OR4A47: variants seen among roughly 807,000 people sequenced by gnomAD.
OR4A47 encodes olfactory receptor 4A47.
A neutral mutation model predicts 16.2 loss-of-function variants in OR4A47; 19 were observed. The observed-to-expected ratio is 1.17, with a 90% CI of 0.82 to 1.72. OR4A47 has a LOEUF of 1.72. OR4A47 is among the 40% of genes most tolerant of loss of function. OR4A47 has a pLI of 0.00. For synonymous variants in OR4A47, 180 were observed against 136.0 expected (o/e 1.32, Z -2.25); for missense variants, 460 against 361.1 (o/e 1.27, Z -2.22).
rs771122375 is a variant in OR4A47, at chr11:48,489,503, C to T, written c.711C>T (p.Thr237=). ...SQKGRQKALS[T]CSSHMTVVVF... is the part of the protein sequence containing the mutation. Reference sequence around the variant, plus strand: ...AAGGGAGGCAAAAAGCCCTCTCAACCTGCAGTTCCCACATGACTGTGGTTG... The same window carrying T: ...AAGGGAGGCAAAAAGCCCTCTCAACTTGCAGTTCCCACATGACTGTGGTTG... The change falls in exon 1 of 1, where the codon ACC becomes ACT. Residue 237 remains threonine, a synonymous_variant. Coordinates refer to ENST00000446524, the MANE Select transcript of OR4A47 (RefSeq NM_001005512.2). 24 of 1,613,864 alleles carry T rather than the reference C, an allele frequency of 1.5e-5. No homozygotes were observed. The African/African-American group carries it at 2.8e-4, about 19-fold the overall frequency.
chr11:48,489,065 C>T lies in OR4A47; in HGVS notation c.273C>T (p.Ser91=), dbSNP rs372048687. 2.6e-5 allele frequency: 42 copies of T among 1,613,752 alleles called. No individual in the cohort carries two copies. The highest frequency in any genetic ancestry group is 3.5e-5 in the Non-Finnish European group (41 of 1,179,854). The change falls in exon 1 of 1, where the codon TCC becomes TCT. Residue 91 remains serine (S), a synonymous_variant. Coordinates refer to ENST00000446524, the MANE Select transcript of OR4A47 (RefSeq NM_001005512.2). Reference sequence around the variant, plus strand: ...TGTTCTTTGGGAATAATTCCATATCCTTCCAATCTTGCATGGCCCAGCTCT... The same window carrying T: ...TGTTCTTTGGGAATAATTCCATATCTTTCCAATCTTGCATGGCCCAGCTCT... ...SGLFFGNNSI[S]FQSCMAQLFI...
At position 48,489,269 on chromosome 11, in the gene OR4A47, C is replaced by T. The variant is rs1377493821; in HGVS notation, c.477C>T (p.Ser159=). ...GGFLHSVFQL[S]IIYGLPFCGP... ...TTCTGCACTCAGTATTTCAACTTAG[C>T]ATTATTTATGGGCTCCCATTCTGTG... is the stretch of plus-strand genomic sequence containing the variant. Residue 159 remains serine (S), a synonymous_variant, in exon 1 of 1, where the codon AGC becomes AGT. Coordinates refer to ENST00000446524, the MANE Select transcript of OR4A47 (RefSeq NM_001005512.2). The T allele has an allele frequency of 2.5e-6, 4 of 1,613,716 alleles. No homozygotes were observed. In the African/African-American group the frequency reaches 4.0e-5, roughly 16 times the overall value.
rs1183285009 is a variant in OR4A47 at position 48,489,094 on chromosome 11, T to C, written c.302T>C (p.Ile101Thr). The change falls in exon 1 of 1, where the codon ATC becomes ACC. Residue 101 changes from isoleucine to threonine, a missense_variant. Transcript: ENST00000446524. ...SFQSCMAQLF[I>T]EHIFGGSEVF... ...CAATCTTGCATGGCCCAGCTCTTTATCGAGCACATTTTCGGTGGGTCAGAG... is the reference window on the plus strand; with the variant it reads ...CAATCTTGCATGGCCCAGCTCTTTACCGAGCACATTTTCGGTGGGTCAGAG... 10 of 1,613,800 alleles carry C rather than the reference T, an allele frequency of 6.2e-6. No homozygotes were observed. Among genetic ancestry groups the C allele is most frequent in the Admixed American group, 1.7e-5 (1 of 59,976 alleles).
Position 48,488,797 on chromosome 11 carries a change from A to T in OR4A47, c.5A>T (p.Glu2Val), listed in dbSNP as rs1477097781. 2.1e-5 allele frequency: 34 copies of T among 1,608,012 alleles called. No homozygotes were observed. The highest frequency in any genetic ancestry group is 2.8e-5 in the Non-Finnish European group (33 of 1,176,414). Residue 2 changes from glutamate (E) to valine (V), a missense_variant, in exon 1 of 1, where the codon GAG becomes GTG. Transcript: ENST00000446524. ...GTAAGCAGCTGTAAAGAATACATGGAGCCAAGGAAAAATGTGACTGACTTT... is the reference window on the plus strand; with the variant it reads ...GTAAGCAGCTGTAAAGAATACATGGTGCCAAGGAAAAATGTGACTGACTTT... MEPRKNVTDFVL... is the reference protein window; with the variant it reads MVPRKNVTDFVL...
At position 48,489,494 on chromosome 11, in the gene OR4A47, C is replaced by T; in HGVS notation, c.702C>T (p.Ala234=). The stretch of plus-strand genomic sequence containing the variant: ...TTAGTCAGAAAGGGAGGCAAAAAGC[C>T]CTCTCAACCTGCAGTTCCCACATGA... ...KNLSQKGRQK[A]LSTCSSHMTV... The change falls in exon 1 of 1, where the codon GCC becomes GCT. Residue 234 remains alanine, a synonymous_variant. Transcript: ENST00000446524. The T allele has an allele frequency of 1.9e-6, 3 of 1,613,790 alleles. No individual in the cohort carries two copies. Among genetic ancestry groups the T allele is most frequent in the Non-Finnish European group, 2.5e-6 (3 of 1,179,838 alleles).
At position 48,489,119 on chromosome 11, in the gene OR4A47, G is replaced by A. The variant is rs1243622792; in HGVS notation, c.327G>A (p.Glu109=). ...LFIEHIFGGS[E]VFLLLVMAYD... ...TCGAGCACATTTTCGGTGGGTCAGA[G>A]GTCTTTCTCCTGTTGGTGATGGCCT... The change falls in exon 1 of 1, where the codon GAG becomes GAA. Residue 109 remains glutamate (E), a synonymous_variant. Transcript: ENST00000446524. 1 of 1,613,856 alleles carries A rather than the reference G, an allele frequency of 6.2e-7. No individual in the cohort carries two copies. The highest frequency in any genetic ancestry group is 1.7e-5 in the Admixed American group (1 of 59,992).
At position 48,489,654 on chromosome 11, in the gene OR4A47, A is replaced by T. The variant is rs572928511; in HGVS notation, c.862A>T (p.Arg288Ter). ...GCTGAACCCCTTAATCTACACTCTGAGAAATTCTGAGATGACAAGTGCTAT... is the reference window on the plus strand; with the variant it reads ...GCTGAACCCCTTAATCTACACTCTGTGAAATTCTGAGATGACAAGTGCTAT... ...PMLNPLIYTL[R>*]NSEMTSAMKK... Residue 288 changes from arginine to a stop codon, truncating the protein, a stop_gained, in exon 1 of 1, where the codon AGA (arginine) becomes TGA (stop). Transcript: ENST00000446524. LOFTEE classifies it high-confidence loss of function. 1.2e-6 allele frequency: 2 copies of T among 1,612,612 alleles called. No homozygotes were observed. The highest frequency in any genetic ancestry group is 2.2e-5 in the South Asian group (2 of 91,062).
Position 48,489,486 on chromosome 11 carries a change from C to A in OR4A47, c.694C>A (p.Gln232Lys), listed in dbSNP as rs370946107. 19 of 1,613,546 alleles carry A rather than the reference C, an allele frequency of 1.2e-5. No homozygotes were observed. Among genetic ancestry groups the A allele is most frequent in the Middle Eastern group, 1.6e-4 (1 of 6,076 alleles). The change falls in exon 1 of 1, where the codon CAA (glutamine) becomes AAA (lysine). Residue 232 changes from glutamine to lysine, a missense_variant. Coordinates refer to ENST00000446524, the MANE Select transcript of OR4A47 (RefSeq NM_001005512.2). Reference sequence around the variant, plus strand: ...AAAGAACCTTAGTCAGAAAGGGAGGCAAAAAGCCCTCTCAACCTGCAGTTC... The same window carrying A: ...AAAGAACCTTAGTCAGAAAGGGAGGAAAAAAGCCCTCTCAACCTGCAGTTC... ...SLKNLSQKGR[Q>K]KALSTCSSHM...
rs1315678216 is a variant in OR4A47, at chr11:48,489,711, A to G, written c.919A>G (p.Ser307Gly). ...KKLWRRDLIS[S>G]ST ...GCTCTGGAGAAGAGACCTCATATCAAGTAGTACATAAGTGAGTTACCCACC... is the reference window on the plus strand; with the variant it reads ...GCTCTGGAGAAGAGACCTCATATCAGGTAGTACATAAGTGAGTTACCCACC... Residue 307 changes from serine (S) to glycine (G), a missense_variant, in exon 1 of 1, where the codon AGT (serine) becomes GGT (glycine). Physicochemically the swap from Ser to Gly is moderately conservative, Grantham distance 56 (BLOSUM62 0). Transcript: ENST00000446524. The G allele has an allele frequency of 8.7e-6, 14 of 1,603,032 alleles. No homozygotes were observed. Among genetic ancestry groups the G allele is most frequent in the Middle Eastern group, 1.6e-4 (1 of 6,068 alleles).
rs1349806328 is a variant in OR4A47, at chr11:48,489,113, G to T, written c.321G>T (p.Gly107=). 5 of 1,613,704 alleles carry T rather than the reference G, an allele frequency of 3.1e-6. No homozygotes were observed. The highest frequency in any genetic ancestry group is 4.2e-6 in the Non-Finnish European group (5 of 1,179,862). The change falls in exon 1 of 1, where the codon GGG becomes GGT. Residue 107 remains glycine, a synonymous_variant. Coordinates refer to ENST00000446524, the MANE Select transcript of OR4A47 (RefSeq NM_001005512.2). ...TCTTTATCGAGCACATTTTCGGTGG[G>T]TCAGAGGTCTTTCTCCTGTTGGTGA... ...AQLFIEHIFG[G]SEVFLLLVMA...
chr11:48,489,247 T>G lies in OR4A47; in HGVS notation c.455T>G (p.Leu152Arg). The G allele has an allele frequency of 6.2e-7, 1 of 1,613,820 alleles. No individual in the cohort carries two copies. Among genetic ancestry groups the G allele is most frequent in the Non-Finnish European group, 8.5e-7 (1 of 1,179,782 alleles). Residue 152 changes from leucine (L) to arginine (R), a missense_variant, in exon 1 of 1, where the codon CTG (leucine) becomes CGG (arginine). Physicochemically the swap from Leu to Arg is moderately radical, Grantham distance 102. Coordinates refer to ENST00000446524, the MANE Select transcript of OR4A47 (RefSeq NM_001005512.2). ...GTAGTGTCCTGGGTTGGAGGATTTC[T>G]GCACTCAGTATTTCAACTTAGCATT... ...LLVVSWVGGF[L>R]HSVFQLSIIY...
chr11:48,489,084 C>G lies in OR4A47; in HGVS notation c.292C>G (p.Gln98Glu). Residue 98 changes from glutamine (Q) to glutamate (E), a missense_variant, in exon 1 of 1, where the codon CAG becomes GAG. Gln to Glu is a conservative substitution (Grantham distance 29). Coordinates refer to ENST00000446524, the MANE Select transcript of OR4A47 (RefSeq NM_001005512.2). Reference protein sequence around the residue: ...NSISFQSCMAQLFIEHIFGGS... With the variant: ...NSISFQSCMAELFIEHIFGGS... Reference sequence around the variant, plus strand: ...CATATCCTTCCAATCTTGCATGGCCCAGCTCTTTATCGAGCACATTTTCGG... The same window carrying G: ...CATATCCTTCCAATCTTGCATGGCCGAGCTCTTTATCGAGCACATTTTCGG... 1.2e-6 allele frequency: 2 copies of G among 1,613,858 alleles called. No homozygotes were observed. Among genetic ancestry groups the G allele is most frequent in the Non-Finnish European group, 1.7e-6 (2 of 1,179,850 alleles).
In OR4A47 at chr11:48,488,972, T is replaced by C. The variant is rs1484583669; in HGVS notation, c.180T>C (p.Phe60=). 1 of 1,613,910 alleles carries C rather than the reference T, an allele frequency of 6.2e-7. No homozygotes were observed. The highest frequency in any genetic ancestry group is 1.1e-5 in the South Asian group (1 of 91,070). Residue 60 remains phenylalanine (F), a synonymous_variant, in exon 1 of 1, where the codon TTT becomes TTC. Coordinates refer to ENST00000446524, the MANE Select transcript of OR4A47 (RefSeq NM_001005512.2). ...SETLGSPMYF[F]LAGLSFIDII... is the part of the protein sequence containing the mutation. Reference sequence around the variant, plus strand: ...CCCTGGGCTCACCAATGTACTTCTTTCTTGCTGGCTTATCATTTATAGATA... The same window carrying C: ...CCCTGGGCTCACCAATGTACTTCTTCCTTGCTGGCTTATCATTTATAGATA...
Position 48,488,933 on chromosome 11 carries a change from A to T in OR4A47, c.141A>T (p.Val47=). ...GCAACCTGCTCATTGTAGTGACCGT[A>T]ACTGTCAGTGAGACCCTGGGCTCAC... The part of the protein sequence containing the change: ...MVGNLLIVVT[V]TVSETLGSPM... The change falls in exon 1 of 1, where the codon GTA becomes GTT. Residue 47 remains valine, a synonymous_variant. Coordinates refer to ENST00000446524, the MANE Select transcript of OR4A47 (RefSeq NM_001005512.2). The T allele has an allele frequency of 6.2e-7, 1 of 1,613,786 alleles. No individual in the cohort carries two copies. Among genetic ancestry groups the T allele is most frequent in the Non-Finnish European group, 8.5e-7 (1 of 1,179,790 alleles).
chr11:48,489,278 T>A lies in OR4A47; in HGVS notation c.486T>A (p.Tyr162Ter). Residue 162 changes from tyrosine to a stop codon, truncating the protein, a stop_gained, in exon 1 of 1, where the codon TAT becomes TAA. Transcript: ENST00000446524. LOFTEE classifies it high-confidence loss of function. ...CAGTATTTCAACTTAGCATTATTTA[T>A]GGGCTCCCATTCTGTGGCCCCAATG... ...LHSVFQLSII[Y>*]GLPFCGPNVI... 1.2e-6 allele frequency: 2 copies of A among 1,613,922 alleles called. No homozygotes were observed. The highest frequency in any genetic ancestry group is 2.2e-5 in the South Asian group (2 of 91,072).
At position 48,489,377 on chromosome 11, in the gene OR4A47, C is replaced by T; in HGVS notation, c.585C>T (p.Leu195=). 1.2e-6 allele frequency: 2 copies of T among 1,613,812 alleles called. No individual in the cohort carries two copies. The highest frequency in any genetic ancestry group is 2.2e-5 in the East Asian group (1 of 44,858). ...GCACTGACACCCATGCTATTGGCCT[C>T]TTAGTGGTGGCCAATGGAGGACTGG... The part of the protein sequence containing the change: ...LVCTDTHAIG[L]LVVANGGLAC... Residue 195 remains leucine (L), a synonymous_variant, in exon 1 of 1, where the codon CTC becomes CTT. Transcript: ENST00000446524.
In OR4A47 at chr11:48,489,102, A is replaced by C. The variant is rs7103557; in HGVS notation, c.310A>C (p.Ile104Leu). 0.6 allele frequency: 968,028 copies of C among 1,613,080 alleles called. 294,966 individuals carry two copies. Among genetic ancestry groups the C allele is most frequent in the Admixed American group, 0.63 (38,006 of 59,944 alleles). ...CATGGCCCAGCTCTTTATCGAGCAC[A>C]TTTTCGGTGGGTCAGAGGTCTTTCT... ...SCMAQLFIEH[I>L]FGGSEVFLLL... is the part of the protein sequence containing the mutation. Residue 104 changes from isoleucine (I) to leucine (L), a missense_variant, in exon 1 of 1, where the codon ATT becomes CTT. Transcript: ENST00000446524.
rs12805853 is a variant in OR4A47, at chr11:48,489,076, G to T, written c.284G>T (p.Cys95Phe). ...FGNNSISFQS[C>F]MAQLFIEHIF... ...AATAATTCCATATCCTTCCAATCTTGCATGGCCCAGCTCTTTATCGAGCAC... is the reference window on the plus strand; with the variant it reads ...AATAATTCCATATCCTTCCAATCTTTCATGGCCCAGCTCTTTATCGAGCAC... Residue 95 changes from cysteine (C) to phenylalanine (F), a missense_variant, in exon 1 of 1, where the codon TGC (cysteine) becomes TTC (phenylalanine). By Grantham distance (205) the Cys-to-Phe change is radical. Transcript: ENST00000446524. 7 of 1,613,652 alleles carry T rather than the reference G, an allele frequency of 4.3e-6. No individual in the cohort carries two copies. In the African/African-American group the frequency reaches 6.7e-5, roughly 15 times the overall value.
In OR4A47 at chr11:48,488,798, G is replaced by A. The variant is rs778318397; in HGVS notation, c.6G>A (p.Glu2=). The A allele has an allele frequency of 6.2e-7, 1 of 1,608,310 alleles. No homozygotes were observed. The change falls in exon 1 of 1, where the codon GAG becomes GAA. Residue 2 remains glutamate (E), a synonymous_variant. Transcript: ENST00000446524. The part of the protein sequence containing the change: M[E]PRKNVTDFVL... ...TAAGCAGCTGTAAAGAATACATGGA[G>A]CCAAGGAAAAATGTGACTGACTTTG...
Sources: gnomAD v4.1 joint callset for allele counts on GRCh38, gnomAD v4.1.1 for gene constraint, MANE v1.5 for transcripts, NCBI Gene and HGNC (gene_info 2026-07-23, HGNC 2026-07-21) for gene names.